HK1: variants seen among roughly 807,000 people sequenced by gnomAD.
HK1 encodes the protein hexokinase 1.
A neutral mutation model predicts 91.6 loss-of-function variants in HK1; 28 were observed. That is an observed-to-expected ratio of 0.31 (90% confidence interval 0.23 to 0.42). HK1 has a LOEUF of 0.42. HK1 is among the 10% of genes least tolerant of loss of function. The probability of loss-of-function intolerance (pLI) is 1.00; values close to 1 mark genes in which losing one functional copy is unlikely to be tolerated. For missense variants in HK1, 770 were observed against 1,219.8 expected (o/e 0.63, Z 5.49); for synonymous variants, 430 against 468.1 (o/e 0.92, Z 1.05).
At chr10:69,311,438 G>T (rs535705353), upstream of HK1, among the ~76,000 whole-genome samples, 1 of 152,190 alleles carries the variant, frequency 6.6e-6, no homozygotes, top group Non-Finnish European at 1.5e-5. Context: ...TGTGAAGGTC[G>T]TTGTGTGTGG....
intron 2 of HK1, among the ~76,000 whole-genome samples, chr10:69,285,779 G>A (rs540480217): frequency 1.3e-5 from 2 of 152,298 alleles, no homozygotes; most frequent in South Asian, 4.2e-4. Flanking sequence ...CAGCTTGCAT[G>A]GTGGGCTGGT....
At chr10:69,297,721 C>A (rs1312832026) in intron 4 of HK1, among the ~76,000 whole-genome samples, 2 of 148,522 alleles carry the variant, frequency 1.3e-5, no homozygotes, top group Admixed American at 1.3e-4. Context: ...ACGGTAAAAC[C>A]CCATCTCTAC....
intron 1 of HK1, among the ~76,000 whole-genome samples, chr10:69,276,738 T>G (rs907144025): frequency 6.7e-6 from 1 of 150,194 alleles, no homozygotes; most frequent in African/African-American, 2.4e-5. Context: ...ACATAATAAT[T>G]AAACATCAAA....
At chr10:69,300,611 G>A in intron 4 of HK1, 1 of 714,458 alleles carries the variant, frequency 1.4e-6, no homozygotes, top group Non-Finnish European at 2.5e-6. Context: ...TGCCACACTT[G>A]TTTAGACTGC....
intron 1 of HK1, among the ~76,000 whole-genome samples, chr10:69,342,589 C>T (rs947776121): frequency 3.3e-5 from 5 of 152,156 alleles, no homozygotes; most frequent in African/African-American, 1.2e-4. Flanking sequence ...GGGTAGGTGC[C>T]TTGGCAGTGG....
rs1840392416 is a variant in HK1 at position 69,401,556 on chromosome 10, GCCGGGCCTCCCTC to G, written c.*427_*439del. On this transcript the variant is annotated 3_prime_UTR_variant, in exon 18 of 18. Coordinates refer to ENST00000359426, the MANE Select transcript of HK1 (RefSeq NM_000188.3). ...AAATGTATTATCACCAGCAGACACTGCCGGGCCTCCCTCCCGGGGGCACTGCCTGAAGGCGAGT... is the reference window on the plus strand; with the variant it reads ...AAATGTATTATCACCAGCAGACACTGCCGGGGGCACTGCCTGAAGGCGAGT... 2 of 351,440 alleles carry G rather than the reference GCCGGGCCTCCCTC, an allele frequency of 5.7e-6. No homozygotes were observed. The highest frequency in any genetic ancestry group is 4.3e-5 in the African/African-American group (2 of 46,332). The allele number at this position is 351,440 out of a possible 1,614,324, so 21.8% of individuals were successfully genotyped here. A position where few individuals can be genotyped will look rare whatever the true frequency, so the allele number is the denominator to read the frequency against.
chr10:69,318,848 A>AGGAGGAGCCGCCGAGCAGCCGCC lies in HK1; in HGVS notation c.-93_-71dup. On this transcript the variant is annotated 5_prime_UTR_variant, in exon 1 of 18. Transcript: ENST00000359426. ...GGGGAGGAGCCGGGGGAGGAGGAGG[A>AGGAGGAGCCGCCGAGCAGCCGCC]GGAGGAGCCGCCGAGCAGCCGCCGG... 1 of 1,486,740 alleles carries AGGAGGAGCCGCCGAGCAGCCGCC rather than the reference A, an allele frequency of 6.7e-7. No individual in the cohort carries two copies. Among genetic ancestry groups the AGGAGGAGCCGCCGAGCAGCCGCC allele is most frequent in the South Asian group, 1.3e-5 (1 of 75,600 alleles). 92.1% of individuals were successfully genotyped at this position (1,486,740 alleles called of 1,614,324 possible).
chr10:69,368,808 C>T (rs570650218), intron 5 of HK1, among the ~76,000 whole-genome samples, 177 bp downstream of exon 5: 9 of 152,156 alleles, frequency 5.9e-5, no homozygotes, highest in African/African-American at 2.2e-4. Context: ...GTGCAAAGCC[C>T]AGCTCTCGGA....
At chr10:69,329,318 A>G (rs1348781335) in intron 1 of HK1, among the ~76,000 whole-genome samples, 2 of 152,056 alleles carry the variant, frequency 1.3e-5, no homozygotes, top group Non-Finnish European at 2.9e-5. Flanking sequence ...GCATGCCACC[A>G]TGCCCAGCTA....
intron 1 of HK1, among the ~76,000 whole-genome samples, chr10:69,277,120 G>C (rs148183760): frequency 6.6e-6 from 1 of 152,034 alleles, no homozygotes; most frequent in Non-Finnish European, 1.5e-5. Context: ...TGCTAATTTC[G>C]CTGGATATAA....
intron 3 of HK1, among the ~76,000 whole-genome samples, chr10:69,360,566 G>T (rs10998742): frequency 0.17 from 26,403 of 152,184 alleles, 2,727 homozygotes; most frequent in Non-Finnish European, 0.23. Flanking sequence ...CAAGCCCTTG[G>T]CACAGAAAGC....
chr10:69,324,721 A>G (rs1398932277), intron 1 of HK1, among the ~76,000 whole-genome samples: 1 of 152,250 alleles, frequency 6.6e-6, no homozygotes, highest in East Asian at 1.9e-4. Flanking sequence ...GCTAGGCTGC[A>G]GATGTTAGCT....
intron 1 of HK1, among the ~76,000 whole-genome samples, chr10:69,276,116 A>ATATAT (rs1369009775): frequency 1.2e-4 from 5 of 42,562 alleles, no homozygotes; most frequent in African/African-American, 2.8e-4. Context: ...AAAAAAAAAA[A>ATATAT]AAATACATAT....
At chr10:69,272,776 T>C (rs1404528146) in intron 1 of HK1, among the ~76,000 whole-genome samples, 1 of 151,964 alleles carries the variant, frequency 6.6e-6, no homozygotes, top group African/African-American at 2.4e-5. Flanking sequence ...GTTCTTTTTT[T>C]TTCTTTTTTT....
At chr10:69,364,025 G>T (rs957875201) in intron 3 of HK1, among the ~76,000 whole-genome samples, 1 of 152,180 alleles carries the variant, frequency 6.6e-6, no homozygotes, top group Non-Finnish European at 1.5e-5. Flanking sequence ...AGCACACACG[G>T]TCTCATTTCC....
At chr10:69,338,542 T>C (rs1421536218) in intron 1 of HK1, 7 of 1,289,586 alleles carry the variant, frequency 5.4e-6, no homozygotes, top group Non-Finnish European at 7.1e-6. Flanking sequence ...CTGGAAGTGG[T>C]GCTGTGCGGT....
chr10:69,320,288 A>G (rs1219290306), intron 1 of HK1, among the ~76,000 whole-genome samples: 1 of 152,038 alleles, frequency 6.6e-6, no homozygotes, highest in Non-Finnish European at 1.5e-5. Flanking sequence ...GGGTACTGAG[A>G]GACAAAGCCG....
intron 3 of HK1, among the ~76,000 whole-genome samples, chr10:69,294,141 G>A (rs574718329): frequency 9.7e-4 from 148 of 152,218 alleles, no homozygotes; most frequent in Non-Finnish European, 1.5e-3. Context: ...GATTACAGGC[G>A]TGAGCCACCG....
At chr10:69,361,426 T>C (rs111507220) in intron 3 of HK1, among the ~76,000 whole-genome samples, 7,300 of 152,294 alleles carry the variant, frequency 0.048, 590 homozygotes, top group African/African-American at 0.17. Context: ...CAGCAGCCCA[T>C]GGTTTGGCAT....
Sources: gnomAD v4.1 joint callset for allele counts (sites outside exome capture counted in the v4.1 genomes callset) on GRCh38, gnomAD v4.1.1 for gene constraint, MANE v1.5 for transcripts, NCBI Gene and HGNC (gene_info 2026-07-23, HGNC 2026-07-21) for gene names.